Variants in GRIK2 observed in about 807,000 individuals in gnomAD.
GRIK2 encodes glutamate ionotropic receptor kainate type subunit 2.
Under a neutral mutation model 100.3 loss-of-function variants are expected in GRIK2, and 32 were observed. That is an observed-to-expected ratio of 0.32 (90% CI 0.24 to 0.43). The LOEUF (loss-of-function observed/expected upper bound fraction) is 0.43, where lower values mean the gene tolerates loss of function less well. Ranked by LOEUF, GRIK2 falls within the 20% of genes least tolerant of loss-of-function variation. GRIK2 has a pLI of 1.00. For missense variants in GRIK2, 843 were observed against 1,114.9 expected, an observed-to-expected ratio of 0.76 and a Z score of 3.47; for synonymous variants, 417 against 389.4, an observed-to-expected ratio of 1.07 and a Z score of -0.83.
intron 11 of GRIK2, among the ~76,000 whole-genome samples, chr6:101,860,399 A>G (rs886728906): frequency 6.6e-6 from 1 of 152,188 alleles, no homozygotes; most frequent in Non-Finnish European, 1.5e-5. Context: ...CCCCAATGGG[A>G]TATAGGAGAA....
intron 4 of GRIK2, among the ~76,000 whole-genome samples, chr6:101,636,262 A>G (rs910317808): frequency 6.6e-5 from 10 of 152,154 alleles, no homozygotes; most frequent in African/African-American, 2.4e-4. Context: ...CAGAAAACCA[A>G]ACACCGCATG....
At chr6:101,980,347 C>CT (rs1282523392) in intron 14 of GRIK2, among the ~76,000 whole-genome samples, 3 of 151,836 alleles carry the variant, frequency 2.0e-5, no homozygotes, top group South Asian at 2.1e-4. Context: ...AGGGAGAGCT[C>CT]TTTTTTGAGG....
At chr6:101,781,738 C>A (rs895746833) in intron 7 of GRIK2, among the ~76,000 whole-genome samples, 2 of 151,950 alleles carry the variant, frequency 1.3e-5, no homozygotes, top group Non-Finnish European at 2.9e-5. Flanking sequence ...TCTTATCCTT[C>A]ATATGTTCAG....
intron 12 of GRIK2, among the ~76,000 whole-genome samples, chr6:101,918,500 C>G (rs1378109097): frequency 6.6e-6 from 1 of 151,566 alleles, no homozygotes; most frequent in Non-Finnish European, 1.5e-5. Context: ...TATTTCTTTG[C>G]TCTAAAGGTC....
chr6:101,737,259 A>G (rs763932497), intron 7 of GRIK2, among the ~76,000 whole-genome samples: 1 of 151,774 alleles, frequency 6.6e-6, no homozygotes, highest in African/African-American at 2.4e-5. Context: ...CCACATTTTC[A>G]GTATTTTTTC....
At chr6:101,629,084 C>A (rs1488809702) in intron 4 of GRIK2, among the ~76,000 whole-genome samples, 1 of 151,952 alleles carries the variant, frequency 6.6e-6, no homozygotes, top group African/African-American at 2.4e-5. Context: ...ATCATTGAGG[C>A]AAATATAAAT....
chr6:101,687,957 A>G (rs1771820528), intron 7 of GRIK2, among the ~76,000 whole-genome samples: 1 of 150,586 alleles, frequency 6.6e-6, no homozygotes, highest in Non-Finnish European at 1.5e-5. Context: ...CAGTTTAAAG[A>G]TGGTGAATCA....
At chr6:101,760,353 A>G (rs1328601815) in intron 7 of GRIK2, among the ~76,000 whole-genome samples, 3 of 99,356 alleles carry the variant, frequency 3.0e-5, no homozygotes, top group Non-Finnish European at 5.3e-5. Flanking sequence ...TATATAATTA[A>G]TTATATTTAA....
At chr6:101,630,474 G>C (rs187956392) in intron 4 of GRIK2, among the ~76,000 whole-genome samples, 1 of 151,948 alleles carries the variant, frequency 6.6e-6, no homozygotes, top group Non-Finnish European at 1.5e-5. Context: ...GATGCTGAAC[G>C]TTTCTTTCAT....
chr6:101,762,357 AT>A (rs1026344915), intron 7 of GRIK2, among the ~76,000 whole-genome samples: 6 of 151,358 alleles, frequency 4.0e-5, no homozygotes, highest in Non-Finnish European at 7.4e-5. Context: ...TTATTTTATT[AT>A]TTTTTTTAAA....
At chr6:101,760,381 ATAAT>A (rs1302126786) in intron 7 of GRIK2, among the ~76,000 whole-genome samples, 1,379 of 58,038 alleles carry the variant, frequency 0.024, 187 homozygotes, top group African/African-American at 0.13. Flanking sequence ...TTTATTATAT[ATAAT>A]TAATTATATT....
chr6:102,041,948 C>T (rs144891465), intron 15 of GRIK2, among the ~76,000 whole-genome samples: 29 of 151,384 alleles, frequency 1.9e-4, no homozygotes, highest in African/African-American at 6.5e-4. Context: ...TAGTATGACC[C>T]ACTGTTAACC....
intron 10 of GRIK2, among the ~76,000 whole-genome samples, chr6:101,834,418 T>TA (rs144357720): frequency 0.046 from 6,989 of 152,248 alleles, 190 homozygotes; most frequent in Non-Finnish European, 0.058. Context: ...CCCAGCCTCT[T>TA]ATGATTTAAG....
At chr6:102,030,028 A>G (rs1466438338) in intron 14 of GRIK2, among the ~76,000 whole-genome samples, 1 of 151,246 alleles carries the variant, frequency 6.6e-6, no homozygotes, top group Non-Finnish European at 1.5e-5. Flanking sequence ...TCTCTTAGCA[A>G]CTTTCAAGTA....
intron 2 of GRIK2, among the ~76,000 whole-genome samples, chr6:101,567,021 G>T (rs917677671): frequency 6.6e-6 from 1 of 151,002 alleles, no homozygotes; most frequent in East Asian, 1.9e-4. Context: ...ATTTCTTTGG[G>T]AGACATTTTA....
chr6:101,502,326 T>TAC (rs1388261600), intron 2 of GRIK2, among the ~76,000 whole-genome samples: 1 of 152,108 alleles, frequency 6.6e-6, no homozygotes, highest in Non-Finnish European at 1.5e-5. Flanking sequence ...GATATATATA[T>TAC]ACACACATAC....
intron 7 of GRIK2, among the ~76,000 whole-genome samples, chr6:101,745,940 C>T (rs1371292677): frequency 1.3e-5 from 2 of 152,146 alleles, no homozygotes; most frequent in East Asian, 3.9e-4. Flanking sequence ...CAATTCTCGT[C>T]TCCTAACCAC....
At chr6:101,835,202 AT>A (rs1307249587) in intron 10 of GRIK2, among the ~76,000 whole-genome samples, 2 of 151,994 alleles carry the variant, frequency 1.3e-5, no homozygotes, top group Non-Finnish European at 2.9e-5. Flanking sequence ...CAATTTTGAT[AT>A]TTTTTTCATT....
chr6:101,942,791 T>G (rs771166963), intron 14 of GRIK2, among the ~76,000 whole-genome samples: 1 of 152,170 alleles, frequency 6.6e-6, no homozygotes, highest in African/African-American at 2.4e-5. Flanking sequence ...TTAGAACTTA[T>G]GTTTGAAAGG....
Sources: gnomAD v4.1 joint callset for allele counts (sites outside exome capture counted in the v4.1 genomes callset) on GRCh38, gnomAD v4.1.1 for gene constraint, MANE v1.5 for transcripts, NCBI Gene and HGNC (gene_info 2026-07-23, HGNC 2026-07-21) for gene names.